PLCE1: variants seen among roughly 807,000 people sequenced by gnomAD.
PLCE1 encodes phospholipase C epsilon 1.
PLCE1 carries 119 observed loss-of-function variants against 242.8 expected under a neutral mutation model. The observed-to-expected ratio is 0.49, with a 90% CI of 0.42 to 0.57. The LOEUF (loss-of-function observed/expected upper bound fraction) is 0.57. PLCE1 is among the 20% of genes least tolerant of loss of function. PLCE1 has a pLI of 0.00. For missense variants in PLCE1, 2,441 were observed against 2,788.8 expected, an observed-to-expected ratio of 0.88 and a Z score of 2.81; for synonymous variants, 945 against 1,017.4, an observed-to-expected ratio of 0.93 and a Z score of 1.35.
At chr10:94,301,730 G>A (rs901524612) in intron 24 of PLCE1, among the ~76,000 whole-genome samples, 7 of 152,150 alleles carry the variant, frequency 4.6e-5, no homozygotes, top group East Asian at 1.9e-4. Flanking sequence ...AGAAACTGAC[G>A]TGAGGCTGGT....
intron 8 of PLCE1, among the ~76,000 whole-genome samples, 181 bp downstream of exon 8, chr10:94,246,802 C>T (rs995359973): frequency 2.0e-5 from 3 of 152,132 alleles, no homozygotes; most frequent in African/African-American, 7.2e-5. Flanking sequence ...GAAATAATAA[C>T]ACCTGCTCAC....
intron 27 of PLCE1, among the ~76,000 whole-genome samples, chr10:94,309,192 C>A (rs748988743): frequency 1.8e-4 from 28 of 152,228 alleles, no homozygotes; most frequent in Non-Finnish European, 3.7e-4. Context: ...CAGAGCAAGG[C>A]TGGAGTGAGC....
At chr10:94,286,046 G>T (rs1196087856) in intron 22 of PLCE1, among the ~76,000 whole-genome samples, 1 of 152,116 alleles carries the variant, frequency 6.6e-6, no homozygotes, top group South Asian at 2.1e-4. Flanking sequence ...GCACCAGGGG[G>T]TAGAAGACAA....
chr10:94,168,232 T>C (rs1351924498), intron 3 of PLCE1, among the ~76,000 whole-genome samples: 1 of 152,136 alleles, frequency 6.6e-6, no homozygotes, highest in African/African-American at 2.4e-5. Context: ...ACTAGGGCAA[T>C]GTGTCCTATG....
intron 2 of PLCE1, among the ~76,000 whole-genome samples, chr10:94,076,929 T>TA (rs1442314108): frequency 6.6e-6 from 1 of 151,700 alleles, no homozygotes; most frequent in African/African-American, 2.4e-5. Context: ...TTTCTGAAAT[T>TA]AAAATCTACC....
intron 2 of PLCE1, among the ~76,000 whole-genome samples, chr10:94,076,185 C>A (rs1019347908): frequency 3.3e-5 from 5 of 151,904 alleles, no homozygotes; most frequent in Non-Finnish European, 5.9e-5. Flanking sequence ...TCTGCGGTAG[C>A]TCTAGAGAGC....
At chr10:94,308,809 T>C (rs145634979) in intron 27 of PLCE1, 110 bp downstream of exon 27, 2 of 785,734 alleles carry the variant, frequency 2.5e-6, no homozygotes, top group East Asian at 4.9e-5. Flanking sequence ...TAGGTAGCTA[T>C]GGAAATTAAT....
chr10:94,139,709 C>T (rs1386186823), intron 3 of PLCE1, among the ~76,000 whole-genome samples: 1 of 152,110 alleles, frequency 6.6e-6, no homozygotes, highest in African/African-American at 2.4e-5. Flanking sequence ...CCCCTTTCCT[C>T]CCCAGTTCTT....
intron 2 of PLCE1, among the ~76,000 whole-genome samples, chr10:94,094,138 T>C (rs1037562242): frequency 6.6e-6 from 1 of 150,524 alleles, no homozygotes; most frequent in Non-Finnish European, 1.5e-5. Context: ...AGACGGGGTT[T>C]CACCGTTTTA....
intron 2 of PLCE1, among the ~76,000 whole-genome samples, chr10:94,033,435 A>C (rs1056010688): frequency 6.6e-6 from 1 of 152,122 alleles, no homozygotes; most frequent in African/African-American, 2.4e-5. Context: ...ATCTATCACA[A>C]CTGTAATAGG....
At chr10:94,246,792 G>A (rs2050698816) in intron 8 of PLCE1, among the ~76,000 whole-genome samples, 171 bp downstream of exon 8, 1 of 152,084 alleles carries the variant, frequency 6.6e-6, no homozygotes, top group Non-Finnish European at 1.5e-5. Context: ...CTATAAAATG[G>A]AAATAATAAC....
chr10:94,067,699 G>A (rs2135057703), intron 2 of PLCE1, among the ~76,000 whole-genome samples: 1 of 152,346 alleles, frequency 6.6e-6, no homozygotes, highest in African/African-American at 2.4e-5. Context: ...TGCTTGGCCA[G>A]ATGTGAAATT....
intron 1 of PLCE1, among the ~76,000 whole-genome samples, chr10:94,018,570 G>A (rs901534775): frequency 3.3e-5 from 5 of 152,166 alleles, no homozygotes; most frequent in African/African-American, 1.2e-4. Context: ...TTGAGTTTAT[G>A]CTGATTTCTA....
intron 11 of PLCE1, among the ~76,000 whole-genome samples, chr10:94,255,484 C>A (rs901127523): frequency 5.3e-5 from 8 of 151,450 alleles, no homozygotes; most frequent in Non-Finnish European, 8.8e-5. Context: ...TTTATCATTG[C>A]AGAAAGTTCT....
intron 26 of PLCE1, among the ~76,000 whole-genome samples, chr10:94,307,927 A>AT (rs1300591523): frequency 1.3e-5 from 2 of 152,010 alleles, no homozygotes; most frequent in East Asian, 1.9e-4. Flanking sequence ...TTAATTATCC[A>AT]TTTTTCCATC....
At chr10:94,170,950 AC>A (rs2047954652) in intron 3 of PLCE1, among the ~76,000 whole-genome samples, 1 of 151,918 alleles carries the variant, frequency 6.6e-6, no homozygotes, top group East Asian at 1.9e-4. Context: ...TGGAAAACCA[AC>A]CCTACCACCA....
chr10:94,153,718 C>T (rs1046213271), intron 3 of PLCE1, among the ~76,000 whole-genome samples: 1 of 152,064 alleles, frequency 6.6e-6, no homozygotes, highest in Non-Finnish European at 1.5e-5. Flanking sequence ...TGTTGTATTT[C>T]TACAAACCAG....
At chr10:94,307,635 C>T (rs978240567) in intron 26 of PLCE1, among the ~76,000 whole-genome samples, 2 of 152,186 alleles carry the variant, frequency 1.3e-5, no homozygotes, top group African/African-American at 4.8e-5. Context: ...GGCCTCTCTC[C>T]TTGGCTTGCA....
chr10:94,160,548 A>AT (rs2047576996), intron 3 of PLCE1, among the ~76,000 whole-genome samples: 1 of 151,810 alleles, frequency 6.6e-6, no homozygotes, highest in African/African-American at 2.4e-5. Flanking sequence ...GATTGCAAAA[A>AT]TTTTCTCCCA....
Sources: allele counts gnomAD v4.1 joint callset (sites outside exome capture counted in the v4.1 genomes callset), GRCh38; gene constraint gnomAD v4.1.1; transcripts MANE v1.5; gene names NCBI Gene and HGNC (gene_info 2026-07-23, HGNC 2026-07-21).